The following LCP1 variants were observed in gnomAD, a reference collection of about 807,000 sequenced individuals.
The protein encoded by LCP1 is lymphocyte cytosolic protein 1, also known as plastin-2.
In LCP1, 23 loss-of-function variants were observed where a neutral mutation model predicts 72.0. The observed-to-expected ratio is 0.32, with a 90% CI of 0.23 to 0.45. The LOEUF (loss-of-function observed/expected upper bound fraction) is 0.45, where lower values mean the gene tolerates loss of function less well. LCP1 is among the 20% of genes least tolerant of loss of function. The pLI, the probability that LCP1 is intolerant of heterozygous loss-of-function variation, is 1.00. For synonymous variants in LCP1, 245 were observed against 275.4 expected, an observed-to-expected ratio of 0.89 and a Z score of 1.09; for missense variants, 571 against 748.3, an observed-to-expected ratio of 0.76 and a Z score of 2.76.
chr13:46,137,302 C>T (rs2138225432), intron 13 of LCP1, among the ~76,000 whole-genome samples: 1 of 151,992 alleles, frequency 6.6e-6, no homozygotes, highest in Middle Eastern at 3.4e-3. Context: ...CTTTGGGAGG[C>T]CGAGGCGGGC....
chr13:46,144,341 C>A, intron 11 of LCP1, 101 bp downstream of exon 11: 1 of 911,340 alleles, frequency 1.1e-6, no homozygotes, highest in Non-Finnish European at 1.7e-6. Flanking sequence ...GCAAGGTATG[C>A]ACATTTTGTG....
intron 14 of LCP1, among the ~76,000 whole-genome samples, chr13:46,131,803 T>C (rs2045635850): frequency 6.6e-6 from 1 of 151,962 alleles, no homozygotes; most frequent in Non-Finnish European, 1.5e-5. Context: ...AAGCTAAACA[T>C]TGAGTATGTA....
chr13:46,173,644 T>C (rs186700719), intron 1 of LCP1, among the ~76,000 whole-genome samples: 5 of 152,324 alleles, frequency 3.3e-5, no homozygotes, highest in African/African-American at 1.2e-4. Flanking sequence ...ACATCCATGC[T>C]CTATGTTTTA....
chr13:46,158,807 T>C lies in LCP1; in HGVS notation c.228+19A>G, dbSNP rs1230597014. Reference sequence around the variant, plus strand: ...TCCAAGTTTCAAATGTGTCTCCTTGTATTCTGCATGGTACTCACCTTGATA... The same window carrying C: ...TCCAAGTTTCAAATGTGTCTCCTTGCATTCTGCATGGTACTCACCTTGATA... On this transcript the variant is annotated intron_variant, in intron 3 of 15. Transcript: ENST00000323076. The C allele has an allele frequency of 6.2e-6, 10 of 1,612,520 alleles. No individual in the cohort carries two copies. The highest frequency in any genetic ancestry group is 7.6e-6 in the Non-Finnish European group (9 of 1,179,114).
chr13:46,129,180 C>G lies in LCP1; in HGVS notation c.1752-1457G>C, dbSNP rs17601297. Among the ~76,000 whole-genome samples, 325 of 152,320 alleles carry G rather than the reference C, an allele frequency of 2.1e-3. 1 individual carries two copies. Among genetic ancestry groups the G allele is most frequent in the Admixed American group, 6.7e-3 (102 of 15,294 alleles). ...TTGCCACCATGACATAACCATTCTTCGCATTTTGTGTAATTTCTTTCACCC... is the reference window on the plus strand; with the variant it reads ...TTGCCACCATGACATAACCATTCTTGGCATTTTGTGTAATTTCTTTCACCC... On this transcript the variant is annotated intron_variant, in intron 15 of 15. Coordinates refer to ENST00000323076, the MANE Select transcript of LCP1 (RefSeq NM_002298.5).
At chr13:46,150,564 T>G (rs1452319442) in intron 8 of LCP1, among the ~76,000 whole-genome samples, 1 of 152,228 alleles carries the variant, frequency 6.6e-6, no homozygotes, top group African/African-American at 2.4e-5. Flanking sequence ...CATCTTCATT[T>G]AATTTTTTAC....
At chr13:46,153,086 A>T in intron 6 of LCP1, 141 bp from the exon 7 acceptor site, 1 of 798,742 alleles carries the variant, frequency 1.3e-6, no homozygotes, top group Non-Finnish European at 1.9e-6. Flanking sequence ...AACATTGAGA[A>T]AAAAACAGTG....
intron 4 of LCP1, among the ~76,000 whole-genome samples, chr13:46,157,115 C>A (rs7989092): frequency 0.057 from 8,687 of 151,552 alleles, 887 homozygotes; most frequent in African/African-American, 0.2. Context: ...CCACCGCGCC[C>A]GGCCAAAACT....
intron 9 of LCP1, among the ~76,000 whole-genome samples, chr13:46,147,337 A>G (rs764805126): frequency 1.1e-4 from 16 of 152,218 alleles, no homozygotes; most frequent in African/African-American, 1.4e-4. Context: ...TTATCAAACT[A>G]TTTCAGATGA....
At chr13:46,137,394 G>A (rs1039318145) in intron 13 of LCP1, among the ~76,000 whole-genome samples, 19 of 152,058 alleles carry the variant, frequency 1.2e-4, no homozygotes, top group African/African-American at 4.3e-4. Flanking sequence ...AAAATTAGCC[G>A]GGTGTGGTGG....
At chr13:46,129,510 C>G (rs1046893238) in intron 15 of LCP1, among the ~76,000 whole-genome samples, 11 of 152,148 alleles carry the variant, frequency 7.2e-5, no homozygotes, top group Non-Finnish European at 1.5e-5. Flanking sequence ...GAGCTCTAGT[C>G]CCCTTCCTAT....
intron 1 of LCP1, among the ~76,000 whole-genome samples, chr13:46,167,149 G>C (rs2045881043): frequency 6.6e-6 from 1 of 152,132 alleles, no homozygotes; most frequent in Non-Finnish European, 1.5e-5. Context: ...AAGGTAGGGG[G>C]AAGGCTATTC....
At chr13:46,146,182 T>C (rs1190708808) in intron 10 of LCP1, among the ~76,000 whole-genome samples, 1 of 152,146 alleles carries the variant, frequency 6.6e-6, no homozygotes, top group African/African-American at 2.4e-5. Flanking sequence ...TGCAGGAGTG[T>C]TGGAGCACGA....
At chr13:46,129,568 T>C (rs1467492776) in intron 15 of LCP1, among the ~76,000 whole-genome samples, 2 of 152,178 alleles carry the variant, frequency 1.3e-5, no homozygotes, top group African/African-American at 4.8e-5. Context: ...CTCATCACAA[T>C]CTATTGTAAT....
At position 46,144,460 on chromosome 13, in the gene LCP1, C is replaced by T. The variant is rs772323138; in HGVS notation, c.1235G>A (p.Arg412Gln). The change falls in exon 11 of 16, where the codon CGA (arginine) becomes CAA (glutamine). Residue 412 changes from arginine to glutamine, a missense_variant. Transcript: ENST00000323076. Reference protein sequence around the residue: ...NWMNSLGVNPRVNHLYSDLSD... With the variant: ...NWMNSLGVNPQVNHLYSDLSD... ...TTCCTACCTGTACAAATGATTGACT[C>T]GAGGGTTAACACCCAGGGAGTTCAT... 44 of 1,613,318 alleles carry T rather than the reference C, an allele frequency of 2.7e-5. No individual in the cohort carries two copies. The highest frequency in any genetic ancestry group is 3.3e-5 in the Admixed American group (2 of 59,998).
chr13:46,167,502 C>T (rs996487663), intron 1 of LCP1, among the ~76,000 whole-genome samples: 6 of 152,148 alleles, frequency 3.9e-5, no homozygotes, highest in African/African-American at 1.4e-4. Context: ...CTTGGGGAGG[C>T]CTTTCTGTGC....
chr13:46,129,282 T>C (rs1001823862), intron 15 of LCP1, among the ~76,000 whole-genome samples: 1 of 152,168 alleles, frequency 6.6e-6, no homozygotes, highest in Non-Finnish European at 1.5e-5. Flanking sequence ...GGACTTTGAA[T>C]CTCAGCTGCA....
At chr13:46,135,426 A>G (rs1026451959) in intron 13 of LCP1, among the ~76,000 whole-genome samples, 4 of 152,172 alleles carry the variant, frequency 2.6e-5, no homozygotes, top group Admixed American at 6.5e-5. Flanking sequence ...TTTTGCTTAC[A>G]TAATCCATCG....
chr13:46,128,897 C>G (rs1407284089), intron 15 of LCP1, among the ~76,000 whole-genome samples: 1 of 152,076 alleles, frequency 6.6e-6, no homozygotes, highest in Non-Finnish European at 1.5e-5. Context: ...TATGGTTACA[C>G]CAGACACTCT....
Sources: allele counts gnomAD v4.1 joint callset (sites outside exome capture counted in the v4.1 genomes callset), GRCh38; gene constraint gnomAD v4.1.1; transcripts MANE v1.5; gene names NCBI Gene and HGNC (gene_info 2026-07-23, HGNC 2026-07-21).